The following MVP variants were observed in gnomAD, a reference collection of about 807,000 sequenced individuals.
MVP encodes the protein lung resistance-related protein.
In MVP, 62 loss-of-function variants were observed where a neutral mutation model predicts 83.5. That is an observed-to-expected ratio of 0.74 (90% confidence interval 0.61 to 0.92). The LOEUF is 0.92. Ranked by LOEUF, MVP falls within the 40% of genes least tolerant of loss-of-function variation. The pLI is 0.00. For missense variants in MVP, 1,000 were observed against 1,203.4 expected (o/e 0.83, Z 2.50); for synonymous variants, 505 against 504.1 (o/e 1.00, Z -0.02).
At chr16:29,826,778 T>C (rs1318146338) in intron 1 of MVP, among the ~76,000 whole-genome samples, 1 of 151,400 alleles carries the variant, frequency 6.6e-6, no homozygotes, top group Non-Finnish European at 1.5e-5. Flanking sequence ...ATACAAAAAG[T>C]TAGCTGGGCA....
In MVP at chr16:29,840,375, C is replaced by T. The variant is rs772042732; in HGVS notation, c.1107C>T (p.Ala369=). Residue 369 remains alanine, a synonymous_variant, in exon 8 of 15, where the codon GCC becomes GCT. Transcript: ENST00000357402. ...GACCCCTGGAGTATGTGCCATCTGC[C>T]AAAGTGGAGGTGGTGGAGGAGCGCC... ...IRGPLEYVPS[A]KVEVVEERQA... The T allele has an allele frequency of 9.4e-6, 15 of 1,601,868 alleles. No homozygotes were observed. The highest frequency in any genetic ancestry group is 1.3e-5 in the African/African-American group (1 of 74,960).
intron 7 of MVP, among the ~76,000 whole-genome samples, chr16:29,838,505 C>A (rs996632783): frequency 6.6e-6 from 1 of 151,810 alleles, no homozygotes; most frequent in Non-Finnish European, 1.5e-5. Flanking sequence ...GTAGCATATC[C>A]ATACAATGGA....
intron 6 of MVP, among the ~76,000 whole-genome samples, chr16:29,836,267 CAA>C (rs989574046): frequency 1.2e-3 from 66 of 55,076 alleles, no homozygotes; most frequent in Admixed American, 3.6e-3. Flanking sequence ...AACCCTGTCT[CAA>C]AAAAAAAAAA....
chr16:29,843,500 CGGAGGAAG>C lies in MVP; in HGVS notation c.1635-947_1635-940del, dbSNP rs1183954984. Among the ~76,000 whole-genome samples, 211 of 47,376 alleles carry C rather than the reference CGGAGGAAG, an allele frequency of 4.5e-3. 12 individuals are homozygous for C. Among genetic ancestry groups the C allele is most frequent in the Admixed American group, 7.3e-3 (32 of 4,368 alleles). 31.1% of individuals were successfully genotyped at this position (47,376 alleles called of 152,430 possible). ...ACAGAGACCCACAGAGACCCTGTCT[CGGAGGAAG>C]GGAGGAAGGGAGGAAGGGAGGAAGG... On this transcript the variant is annotated intron_variant, in intron 10 of 14. Coordinates refer to ENST00000357402, the MANE Select transcript of MVP (RefSeq NM_005115.5).
chr16:29,834,169 C>A, intron 5 of MVP, 103 bp downstream of exon 5: 1 of 1,472,622 alleles, frequency 6.8e-7, no homozygotes, highest in Non-Finnish European at 9.2e-7. Flanking sequence ...CCCAGAGAGG[C>A]GCTTTCCTGG....
In MVP at chr16:29,840,295, G is replaced by A. The variant is rs770668275; in HGVS notation, c.1027G>A (p.Gly343Arg). ...GAGGGCCCTGCAGCCCCTGGAGGAG[G>A]GGGAGGATGAGGAGAAGGTCTCACA... Reference protein sequence around the residue: ...LLRALQPLEEGEDEEKVSHQA... With the variant: ...LLRALQPLEEREDEEKVSHQA... Residue 343 changes from glycine to arginine, a missense_variant, in exon 8 of 15, where the codon GGG (glycine) becomes AGG (arginine). Physicochemically the swap from Gly to Arg is moderately radical, Grantham distance 125. Transcript: ENST00000357402. 3 of 1,613,616 alleles carry A rather than the reference G, an allele frequency of 1.9e-6. No individual in the cohort carries two copies. The highest frequency in any genetic ancestry group is 2.2e-5 in the South Asian group (2 of 91,060).
Position 29,833,569 on chromosome 16 carries a change from CA to C in MVP, c.322-161del. ...AAGCAATCCTCCTACCTCAGTCTCC[CA>C]AAGTTCTGGGATGACAGGTGTGAGC... On this transcript the variant is annotated intron_variant, in intron 3 of 14. Transcript: ENST00000357402. 4 of 848,344 alleles carry C rather than the reference CA, an allele frequency of 4.7e-6. No homozygotes were observed. In the South Asian group the frequency reaches 5.4e-5, roughly 11 times the overall value. The allele number at this position is 848,344 out of a possible 1,614,324, so 52.6% of individuals were successfully genotyped here.
rs1243015286 is a variant in MVP, at chr16:29,830,938, C to CAA, written c.187_188dup (p.Asn63LysfsTer62). The CAA allele has an allele frequency of 1.9e-6, 3 of 1,614,060 alleles. No homozygotes were observed. The highest frequency in any genetic ancestry group is 2.5e-6 in the Non-Finnish European group (3 of 1,179,994). ...CCCCACGTCACTACTGCACAGTGGC[C>CAA]AACCCTGTGTCTCGGGATGCCCAGG... On this transcript the variant is annotated frameshift_variant, in exon 3 of 15. Transcript: ENST00000357402. LOFTEE classifies it high-confidence loss of function.
At chr16:29,823,122 C>CTTTTTTTT (rs66512916) in intron 1 of MVP, among the ~76,000 whole-genome samples, 24 of 98,482 alleles carry the variant, frequency 2.4e-4, no homozygotes, top group Non-Finnish European at 3.4e-4. Context: ...CTTTTCTTTT[C>CTTTTTTTT]TTTTTTTTTT....
At chr16:29,835,665 T>G (rs772794237) in intron 5 of MVP, 39 bp from the exon 6 acceptor site, 1 of 1,570,668 alleles carries the variant, frequency 6.4e-7, no homozygotes, top group Non-Finnish European at 8.7e-7. Context: ...GGGAGCAGGC[T>G]GGGGGGCCCT....
chr16:29,842,036 C>G lies in MVP; in HGVS notation c.1558C>G (p.Pro520Ala). ...ARRALCLLLG[P>A]DFFTDVITIE... ...CCGTGCGCTCTGCCTGCTGCTGGGG[C>G]CTGACTTCTTCACAGACGTCATCAC... is the stretch of plus-strand genomic sequence containing the variant. Residue 520 changes from proline to alanine, a missense_variant, in exon 10 of 15, where the codon CCT becomes GCT. By Grantham distance (27) the Pro-to-Ala change is conservative. Transcript: ENST00000357402. The G allele has an allele frequency of 6.2e-7, 1 of 1,610,900 alleles. No individual in the cohort carries two copies. The highest frequency in any genetic ancestry group is 8.5e-7 in the Non-Finnish European group (1 of 1,179,966).
At position 29,831,178 on chromosome 16, in the gene MVP, CA is replaced by C. The variant is rs879652476; in HGVS notation, c.321+106del. 9.0e-4 allele frequency: 1,000 copies of C among 1,115,960 alleles called. 2 individuals are homozygous for C. Among genetic ancestry groups the C allele is most frequent in the African/African-American group, 4.2e-3 (268 of 63,672 alleles). The allele number at this position is 1,115,960 out of a possible 1,614,324, so 69.1% of individuals were successfully genotyped here. ...TCTTTTTTTCTTTTCTTTTTTGAGG[CA>C]GAGTTTCACTCTTGTCGCCCAGGCT... On this transcript the variant is annotated intron_variant, in intron 3 of 14. Coordinates refer to ENST00000357402, the MANE Select transcript of MVP (RefSeq NM_005115.5).
At position 29,847,260 on chromosome 16, in the gene MVP, C is replaced by A; in HGVS notation, c.2329C>A (p.Leu777Met). ...GGAACTGGTCTATGCCCGGGCCCAG[C>A]TGGAGCTGGAGGTGAGCAAGGCTCA... ...ELELVYARAQ[L>M]ELEVSKAQQL... is the part of the protein sequence containing the mutation. The change falls in exon 14 of 15, where the codon CTG becomes ATG. Residue 777 changes from leucine (L) to methionine (M), a missense_variant. Transcript: ENST00000357402. The A allele has an allele frequency of 6.2e-7, 1 of 1,613,758 alleles. No homozygotes were observed. The highest frequency in any genetic ancestry group is 8.5e-7 in the Non-Finnish European group (1 of 1,179,996).
chr16:29,843,712 C>T (rs1183143372), intron 10 of MVP, among the ~76,000 whole-genome samples: 1 of 151,874 alleles, frequency 6.6e-6, no homozygotes, highest in Admixed American at 6.6e-5. Context: ...CATGGTGAAT[C>T]CCTGTCTCTA....
chr16:29,840,135 C>T, intron 7 of MVP, 43 bp from the exon 8 acceptor site: 1 of 1,548,014 alleles, frequency 6.5e-7, no homozygotes, highest in African/African-American at 1.4e-5. Context: ...GAAGCACCCG[C>T]AACCCTAAAG....
At chr16:29,840,082 C>A in intron 7 of MVP, 96 bp from the exon 8 acceptor site, 1 of 1,349,180 alleles carries the variant, frequency 7.4e-7, no homozygotes, top group Non-Finnish European at 1.0e-6. Flanking sequence ...CTCTTGTCCT[C>A]CACACAGGCC....
intron 1 of MVP, among the ~76,000 whole-genome samples, chr16:29,827,113 A>G (rs2067409913): frequency 6.6e-6 from 1 of 152,084 alleles, no homozygotes; most frequent in South Asian, 2.1e-4. Flanking sequence ...GAGCCAGGAC[A>G]TCGGAAAGCA....
intron 5 of MVP, chr16:29,834,979 A>T (rs1201953544): frequency 6.9e-6 from 1 of 145,216 alleles, no homozygotes; most frequent in Non-Finnish European, 1.5e-5. Flanking sequence ...AAGTGCTGGG[A>T]TTACAGGCGT....
At position 29,825,069 on chromosome 16, in the gene MVP, G is replaced by A. The variant is rs147064127; in HGVS notation, c.-36+4559G>A. Among the ~76,000 whole-genome samples the A allele has an allele frequency of 5.2e-3, 786 of 152,260 alleles. 7 individuals carry two copies. The highest frequency in any genetic ancestry group is 0.018 in the African/African-American group (753 of 41,548). ...AGAGCCCCTCTTTTAACTAGACAAT[G>A]AACCTGGTTTCTGCTTTGGACAGGC... On this transcript the variant is annotated intron_variant, in intron 1 of 14. Coordinates refer to ENST00000357402, the MANE Select transcript of MVP (RefSeq NM_005115.5).
Sources: gnomAD v4.1 joint callset for allele counts (sites outside exome capture counted in the v4.1 genomes callset) on GRCh38, gnomAD v4.1.1 for gene constraint, MANE v1.5 for transcripts, NCBI Gene and HGNC (gene_info 2026-07-23, HGNC 2026-07-21) for gene names.